The following SLC41A2 variants were observed in gnomAD, a reference collection of about 807,000 sequenced individuals.
SLC41A2 encodes SLC41A1-like 1.
Under a neutral mutation model 58.3 loss-of-function variants are expected in SLC41A2, and 32 were observed. The observed-to-expected ratio is 0.55, with a 90% confidence interval of 0.41 to 0.74. The LOEUF is 0.74. Ranked by LOEUF, SLC41A2 falls within the 30% of genes least tolerant of loss-of-function variation. SLC41A2 has a pLI of 0.00. For synonymous variants in SLC41A2, 190 were observed against 235.0 expected (o/e 0.81, Z 1.75); for missense variants, 514 against 680.6 (o/e 0.76, Z 2.72).
chr12:104,820,604 C>T (rs2041591240), intron 10 of SLC41A2, among the ~76,000 whole-genome samples: 1 of 152,058 alleles, frequency 6.6e-6, no homozygotes, highest in Non-Finnish European at 1.5e-5. Flanking sequence ...ACGTACTTGA[C>T]ATTTAATGAA....
chr12:104,818,101 C>T (rs1260589412), intron 10 of SLC41A2, among the ~76,000 whole-genome samples: 1 of 152,058 alleles, frequency 6.6e-6, no homozygotes, highest in Non-Finnish European at 1.5e-5. Flanking sequence ...TAAATATATA[C>T]AATCCTTATT....
intron 10 of SLC41A2, among the ~76,000 whole-genome samples, chr12:104,824,363 C>T (rs944173350): frequency 6.6e-6 from 1 of 152,100 alleles, no homozygotes; most frequent in Non-Finnish European, 1.5e-5. Context: ...CAGGCACCAG[C>T]ATGCAAGCAG....
At chr12:104,837,763 A>C (rs780873244) in intron 10 of SLC41A2, among the ~76,000 whole-genome samples, 1 of 152,184 alleles carries the variant, frequency 6.6e-6, no homozygotes, top group Non-Finnish European at 1.5e-5. Flanking sequence ...GACAATAAGC[A>C]TGATAAACTG....
intron 9 of SLC41A2, among the ~76,000 whole-genome samples, chr12:104,845,296 C>T (rs1445674469): frequency 6.6e-6 from 1 of 151,902 alleles, no homozygotes; most frequent in African/African-American, 2.4e-5. Context: ...GTCTCAACAA[C>T]AACAAAAAAT....
At chr12:104,819,518 T>C (rs748737404) in intron 10 of SLC41A2, among the ~76,000 whole-genome samples, 2 of 152,124 alleles carry the variant, frequency 1.3e-5, no homozygotes, top group African/African-American at 4.8e-5. Flanking sequence ...ACAAACATGA[T>C]AGTGAAGACA....
At chr12:104,897,733 T>G (rs1025019038) in intron 3 of SLC41A2, among the ~76,000 whole-genome samples, 1 of 152,332 alleles carries the variant, frequency 6.6e-6, no homozygotes, top group African/African-American at 2.4e-5. Context: ...TAAAGAGAAA[T>G]GTTGCCCCAA....
chr12:104,957,839 G>A (rs1328286936), intron 1 of SLC41A2, among the ~76,000 whole-genome samples: 1 of 152,124 alleles, frequency 6.6e-6, no homozygotes, highest in Non-Finnish European at 1.5e-5. Flanking sequence ...GCTTGTCCGC[G>A]GTGGCCGCGG....
intron 2 of SLC41A2, among the ~76,000 whole-genome samples, chr12:104,921,451 G>A (rs1222125699): frequency 2.0e-5 from 3 of 151,510 alleles, no homozygotes; most frequent in Non-Finnish European, 2.9e-5. Context: ...AAACCATACA[G>A]GCCAGAAGAG....
intron 10 of SLC41A2, among the ~76,000 whole-genome samples, chr12:104,806,172 TCATTTAG>T (rs2040890493): frequency 6.6e-6 from 1 of 152,208 alleles, no homozygotes; most frequent in African/African-American, 2.4e-5. Flanking sequence ...CATTAACTTG[TCATTTAG>T]CATTAGGTTT....
At chr12:104,815,798 A>AATGTC (rs149974944) in intron 10 of SLC41A2, among the ~76,000 whole-genome samples, 3,626 of 152,296 alleles carry the variant, frequency 0.024, 90 homozygotes, top group East Asian at 0.15. Flanking sequence ...TAAATATTTA[A>AATGTC]ATGTCTGCTA....
chr12:104,812,511 G>GTGT (rs373758213), intron 10 of SLC41A2, among the ~76,000 whole-genome samples: 3,105 of 152,284 alleles, frequency 0.02, 26 homozygotes, highest in Non-Finnish European at 0.033. Flanking sequence ...TATCAGTCAA[G>GTGT]TGTTGAGAGT....
chr12:104,801,965 G>T lies in SLC41A2; in HGVS notation c.*3187C>A, dbSNP rs956755891. On this transcript the variant is annotated 3_prime_UTR_variant, in exon 11 of 11. Transcript: ENST00000258538. The stretch of plus-strand genomic sequence containing the variant: ...ATTTCTTAAATTTTATTCTTTATTT[G>T]AGTTTAAAACAATTCGAAGATGGCA... Among the ~76,000 whole-genome samples the T allele has an allele frequency of 6.6e-6, 1 of 151,352 alleles. No homozygotes were observed. The highest frequency in any genetic ancestry group is 1.5e-5 in the Non-Finnish European group (1 of 67,932).
intron 8 of SLC41A2, among the ~76,000 whole-genome samples, chr12:104,849,016 A>C (rs1320051303): frequency 6.6e-6 from 1 of 152,182 alleles, no homozygotes; most frequent in Admixed American, 6.5e-5. Context: ...TTAATATGCC[A>C]AAAACCTATG....
rs548541458 is a variant in SLC41A2 at position 104,921,153 on chromosome 12, G to A, written c.555+6820C>T. On this transcript the variant is annotated intron_variant, in intron 2 of 10. Coordinates refer to ENST00000258538, the MANE Select transcript of SLC41A2 (RefSeq NM_001352171.3). ...GCTATAAAAAACTACCTTGAAAGACGAAATCTAATAATTATTCATATTCAA... is the reference window on the plus strand; with the variant it reads ...GCTATAAAAAACTACCTTGAAAGACAAAATCTAATAATTATTCATATTCAA... 5.9e-5 allele frequency among the ~76,000 whole-genome samples: 9 copies of A among 151,910 alleles called. No individual in the cohort carries two copies. In the East Asian group the frequency reaches 7.7e-4, roughly 13 times the overall value.
rs542137529 is a variant in SLC41A2, at chr12:104,876,624, T to C, written c.1027+9669A>G. ...ATACCACTGTGATCATCAAAGATAC[T>C]TGATATGATTTCAGTCTCTTAAATT... On this transcript the variant is annotated intron_variant, in intron 6 of 10. Transcript: ENST00000258538. 9.2e-5 allele frequency among the ~76,000 whole-genome samples: 14 copies of C among 152,352 alleles called. No homozygotes were observed. In the East Asian group the frequency reaches 1.5e-3, roughly 17 times the overall value.
chr12:104,852,057 C>G (rs143444818), intron 8 of SLC41A2: 1 of 152,108 alleles, frequency 6.6e-6, no homozygotes, highest in African/African-American at 2.4e-5. Context: ...AAATTGAAAG[C>G]GGCAAGAGTA....
intron 1 of SLC41A2, among the ~76,000 whole-genome samples, chr12:104,948,334 C>T (rs148895491): frequency 5.6e-4 from 86 of 152,306 alleles, no homozygotes; most frequent in Middle Eastern, 6.8e-3. Flanking sequence ...ATGCCACTCT[C>T]AGACTTAAAA....
chr12:104,956,299 G>A lies in SLC41A2; in HGVS notation c.-168+1789C>T, dbSNP rs556561664. ...CATTAAGTTTTTCGGTATCAGATTG[G>A]TTGGATTTTTTCAAGTCAGTGCCAG... is the stretch of plus-strand genomic sequence containing the variant. On this transcript the variant is annotated intron_variant, in intron 1 of 10. Coordinates refer to ENST00000258538, the MANE Select transcript of SLC41A2 (RefSeq NM_001352171.3). Among the ~76,000 whole-genome samples, 5 of 152,282 alleles carry A rather than the reference G, an allele frequency of 3.3e-5. No homozygotes were observed. In the East Asian group the frequency reaches 9.6e-4, roughly 29 times the overall value.
At chr12:104,841,850 A>G (rs1214815864) in intron 10 of SLC41A2, among the ~76,000 whole-genome samples, 2 of 152,122 alleles carry the variant, frequency 1.3e-5, no homozygotes, top group South Asian at 2.1e-4. Context: ...ACCAGCCACT[A>G]TATCATGTCC....
Sources: gnomAD v4.1 joint callset for allele counts (sites outside exome capture counted in the v4.1 genomes callset) on GRCh38, gnomAD v4.1.1 for gene constraint, MANE v1.5 for transcripts, NCBI Gene and HGNC (gene_info 2026-07-23, HGNC 2026-07-21) for gene names.